ATG4C: variants seen among roughly 807,000 people sequenced by gnomAD.
The protein encoded by ATG4C is cysteine protease ATG4C.
Under a neutral mutation model 57.6 loss-of-function variants are expected in ATG4C, and 56 were observed. That is an observed-to-expected ratio of 0.97 (90% CI 0.78 to 1.21). The LOEUF is 1.21. Among genes scored for constraint, ATG4C ranks in the 50% most tolerant of loss-of-function variants. The pLI is 0.00. For missense variants in ATG4C, 595 were observed against 529.8 expected (o/e 1.12, Z -1.21); for synonymous variants, 157 against 174.1 (o/e 0.90, Z 0.78).
At chr1:62,851,435 T>C (rs544189142) in intron 10 of ATG4C, among the ~76,000 whole-genome samples, 5 of 152,310 alleles carry the variant, frequency 3.3e-5, no homozygotes, top group Admixed American at 2.6e-4. Flanking sequence ...ATTTAGAATT[T>C]TAACTCTGCA....
At chr1:62,836,483 A>G (rs777637255) in intron 9 of ATG4C, among the ~76,000 whole-genome samples, 7 of 152,150 alleles carry the variant, frequency 4.6e-5, no homozygotes, top group Non-Finnish European at 5.9e-5. Context: ...TTATAGCATC[A>G]CTTGTTTTCC....
intron 9 of ATG4C, among the ~76,000 whole-genome samples, 198 bp from the exon 10 acceptor site, chr1:62,841,226 TTAAA>T (rs1236749268): frequency 6.6e-6 from 1 of 152,188 alleles, no homozygotes; most frequent in Non-Finnish European, 1.5e-5. Context: ...ATTTGGTGAA[TTAAA>T]TATATAAAAA....
intron 6 of ATG4C, among the ~76,000 whole-genome samples, chr1:62,823,972 T>G (rs1665566938): frequency 6.6e-6 from 1 of 152,204 alleles, no homozygotes; most frequent in African/African-American, 2.4e-5. Context: ...ATTGAACTTA[T>G]AATTCACTTG....
At position 62,834,809 on chromosome 1, in the gene ATG4C, G is replaced by A. The variant is rs1299657856; in HGVS notation, c.1046G>A (p.Cys349Tyr). 6.2e-7 allele frequency: 1 copy of A among 1,612,028 alleles called. No individual in the cohort carries two copies. The highest frequency in any genetic ancestry group is 2.2e-5 in the East Asian group (1 of 44,738). ...DSLIYMDPHYCQSFVDVSIKD... is the reference protein window; with the variant it reads ...DSLIYMDPHYYQSFVDVSIKD... ...TTGATTTACATGGATCCTCATTACT[G>A]CCAATCTTTTGTAGATGTCAGCATA... is the stretch of plus-strand genomic sequence containing the variant. The change falls in exon 9 of 11, where the codon TGC (cysteine) becomes TAC (tyrosine). Residue 349 changes from cysteine to tyrosine, a missense_variant. Physicochemically the swap from Cys to Tyr is radical, Grantham distance 194 (BLOSUM62 -2). Coordinates refer to ENST00000317868, the MANE Select transcript of ATG4C (RefSeq NM_032852.4).
intron 10 of ATG4C, among the ~76,000 whole-genome samples, chr1:62,861,633 A>T (rs980238391): frequency 3.3e-5 from 5 of 150,852 alleles, no homozygotes; most frequent in Non-Finnish European, 7.4e-5. Flanking sequence ...ACACAGAGAG[A>T]CACAAACACA....
intron 10 of ATG4C, among the ~76,000 whole-genome samples, chr1:62,847,984 T>G (rs1024574003): frequency 2.6e-5 from 4 of 152,222 alleles, no homozygotes; most frequent in Non-Finnish European, 4.4e-5. Context: ...AATCTTCTAT[T>G]AATAATCTTC....
chr1:62,793,237 C>T (rs1454126925), intron 1 of ATG4C, among the ~76,000 whole-genome samples: 1 of 151,980 alleles, frequency 6.6e-6, no homozygotes, highest in Non-Finnish European at 1.5e-5. Flanking sequence ...CTACTCCTCT[C>T]CACCCAAGTA....
At chr1:62,843,962 T>C (rs1041328735) in intron 10 of ATG4C, among the ~76,000 whole-genome samples, 2 of 152,320 alleles carry the variant, frequency 1.3e-5, no homozygotes, top group African/African-American at 4.8e-5. Context: ...TACTTTATTG[T>C]GATGGTCATA....
chr1:62,817,210 A>AT (rs1665307233), intron 4 of ATG4C, among the ~76,000 whole-genome samples: 1 of 152,180 alleles, frequency 6.6e-6, no homozygotes, highest in Non-Finnish European at 1.5e-5. Context: ...CATATGTAAT[A>AT]TTTTTAAAAT....
intron 5 of ATG4C, among the ~76,000 whole-genome samples, chr1:62,820,914 G>A (rs1194403827): frequency 6.6e-6 from 1 of 151,920 alleles, no homozygotes; most frequent in Non-Finnish European, 1.5e-5. Flanking sequence ...AATGTATTTT[G>A]TAATTTGTGT....
intron 7 of ATG4C, among the ~76,000 whole-genome samples, chr1:62,832,405 A>G (rs1665870547): frequency 6.6e-6 from 1 of 152,174 alleles, no homozygotes; most frequent in African/African-American, 2.4e-5. Context: ...TCTAAGATCA[A>G]GGCACTGGCA....
At chr1:62,811,338 T>C (rs1251178243) in intron 3 of ATG4C, among the ~76,000 whole-genome samples, 1 of 152,210 alleles carries the variant, frequency 6.6e-6, no homozygotes, top group African/African-American at 2.4e-5. Flanking sequence ...CTTTTAAACT[T>C]ATCTTCCTAC....
intron 1 of ATG4C, among the ~76,000 whole-genome samples, chr1:62,797,288 ATATAGATC>A (rs1382982023): frequency 5.9e-5 from 9 of 152,010 alleles, no homozygotes; most frequent in Admixed American, 5.9e-4. Context: ...TTTTATAGTG[ATATAGATC>A]TATATAATTA....
At chr1:62,850,857 TATATATA>T in intron 10 of ATG4C, among the ~76,000 whole-genome samples, 1 of 13,348 alleles carries the variant, frequency 7.5e-5, no homozygotes, top group East Asian at 2.3e-3. Context: ...TATGTATGTA[TATATATA>T]TATATATATA....
intron 10 of ATG4C, among the ~76,000 whole-genome samples, chr1:62,844,444 C>A (rs1019528039): frequency 6.6e-6 from 1 of 152,036 alleles, no homozygotes; most frequent in African/African-American, 2.4e-5. Context: ...GTATATAAGT[C>A]TCTGAGTTTT....
At chr1:62,847,190 C>CA (rs1309358987) in intron 10 of ATG4C, among the ~76,000 whole-genome samples, 1 of 151,358 alleles carries the variant, frequency 6.6e-6, no homozygotes, top group Admixed American at 6.6e-5. Context: ...CAAAACAGAA[C>CA]AAAAAAGCAT....
intron 3 of ATG4C, among the ~76,000 whole-genome samples, chr1:62,813,253 T>C (rs1009420392): frequency 2.7e-5 from 4 of 150,918 alleles, no homozygotes; most frequent in Admixed American, 2.0e-4. Context: ...AAAACAGATA[T>C]ATAGACCAAT....
Position 62,864,174 on chromosome 1 carries a change from G to A in ATG4C, c.*15G>A. ...TCTTGCTTTAAAGATTAGCACATTT[G>A]TGCTTGATAAGAAGAATTCCATTGA... On this transcript the variant is annotated 3_prime_UTR_variant, in exon 11 of 11. Transcript: ENST00000317868. 1 of 1,577,878 alleles carries A rather than the reference G, an allele frequency of 6.3e-7. No homozygotes were observed. The highest frequency in any genetic ancestry group is 8.6e-7 in the Non-Finnish European group (1 of 1,169,280).
At chr1:62,803,332 CA>C (rs1239602968) in intron 1 of ATG4C, among the ~76,000 whole-genome samples, 3 of 152,184 alleles carry the variant, frequency 2.0e-5, no homozygotes, top group Admixed American at 6.5e-5. Flanking sequence ...GATTTCAAAT[CA>C]CCTTCTCTAA....
Sources: gnomAD v4.1 joint callset for allele counts (sites outside exome capture counted in the v4.1 genomes callset) on GRCh38, gnomAD v4.1.1 for gene constraint, MANE v1.5 for transcripts, NCBI Gene and HGNC (gene_info 2026-07-23, HGNC 2026-07-21) for gene names.